MBNL2: variants seen among roughly 807,000 people sequenced by gnomAD.
The protein encoded by MBNL2 is muscleblind like splicing regulator 2, also known as muscleblind-like protein 2.
A neutral mutation model predicts 41.9 loss-of-function variants in MBNL2; 17 were observed. The ratio of observed to expected loss-of-function variants is 0.41; its 90% confidence interval spans 0.28 to 0.61. The LOEUF (loss-of-function observed/expected upper bound fraction) is 0.61. Ranked by LOEUF, MBNL2 falls within the 20% of genes least tolerant of loss-of-function variation. The pLI is 0.35. For synonymous variants in MBNL2, 195 were observed against 182.9 expected, an observed-to-expected ratio of 1.07 and a Z score of -0.53; for missense variants, 336 against 505.6, an observed-to-expected ratio of 0.66 and a Z score of 3.22.
chr13:97,251,605 G>C (rs1030720490), intron 1 of MBNL2, among the ~76,000 whole-genome samples: 1 of 152,044 alleles, frequency 6.6e-6, no homozygotes, highest in African/African-American at 2.4e-5. Flanking sequence ...TCTTTGCATT[G>C]TTTTGTATTG....
At chr13:97,262,542 C>T (rs188746520) in intron 1 of MBNL2, among the ~76,000 whole-genome samples, 109 of 152,300 alleles carry the variant, frequency 7.2e-4, no homozygotes, top group African/African-American at 2.4e-3. Context: ...CCAAGCCTTC[C>T]TGTTTTCTGT....
chr13:97,269,697 A>G (rs1459803441), intron 1 of MBNL2, among the ~76,000 whole-genome samples: 2 of 152,160 alleles, frequency 1.3e-5, no homozygotes, highest in African/African-American at 2.4e-5. Context: ...ACACTTGGAA[A>G]AACCTCTCTG....
the MBNL2 span, among the ~76,000 whole-genome samples, chr13:97,179,126 A>G: frequency 5.6e-3 from 846 of 152,254 alleles, 5 homozygotes; most frequent in African/African-American, 0.02. Flanking sequence ...CTCCCATTTC[A>G]AAACAAGCAA....
chr13:97,161,991 C>T, the MBNL2 span, among the ~76,000 whole-genome samples: 39 of 152,150 alleles, frequency 2.6e-4, no homozygotes, highest in African/African-American at 9.4e-4. Context: ...TTAATTGGCT[C>T]GTGGTTCCAC....
the MBNL2 span, among the ~76,000 whole-genome samples, chr13:97,145,775 C>A: frequency 6.6e-6 from 1 of 152,098 alleles, no homozygotes; most frequent in Admixed American, 6.5e-5. Flanking sequence ...GTTCTGAGTT[C>A]TTGAGCCCTT....
At chr13:97,215,919 T>C in the MBNL2 span, among the ~76,000 whole-genome samples, 1 of 152,210 alleles carries the variant, frequency 6.6e-6, no homozygotes, top group Non-Finnish European at 1.5e-5. Context: ...ATGATAATAG[T>C]AGCAGTAAAA....
At chr13:97,237,378 A>C (rs1374634869) in intron 1 of MBNL2, among the ~76,000 whole-genome samples, 1 of 152,276 alleles carries the variant, frequency 6.6e-6, no homozygotes, top group Non-Finnish European at 1.5e-5. Context: ...AAAAGTTTGC[A>C]GGAAAAAGAA....
chr13:97,296,810 G>A (rs2057077265), intron 2 of MBNL2, among the ~76,000 whole-genome samples: 1 of 152,170 alleles, frequency 6.6e-6, no homozygotes, highest in African/African-American at 2.4e-5. Context: ...CATTAAGTCT[G>A]ACTTCATGGA....
chr13:97,234,245 G>A (rs1014391157), intron 1 of MBNL2, among the ~76,000 whole-genome samples: 57 of 152,292 alleles, frequency 3.7e-4, no homozygotes, highest in African/African-American at 1.3e-3. Flanking sequence ...GTAACCCTAA[G>A]CAAATCAAGT....
At chr13:97,365,969 GA>G (rs140598871) in intron 8 of MBNL2, among the ~76,000 whole-genome samples, 2,420 of 149,248 alleles carry the variant, frequency 0.016, 60 homozygotes, top group African/African-American at 0.048. Context: ...GTCCTAAATT[GA>G]AAAAAAAAAT....
intron 1 of MBNL2, among the ~76,000 whole-genome samples, chr13:97,261,292 TCACACACATG>T (rs2048577119): frequency 6.6e-6 from 1 of 152,006 alleles, no homozygotes; most frequent in South Asian, 2.1e-4. Context: ...ATGTTCACAC[TCACACACATG>T]CACACACATC....
chr13:97,166,785 TAGATA>T, the MBNL2 span, among the ~76,000 whole-genome samples: 1 of 18,212 alleles, frequency 5.5e-5, no homozygotes, highest in Non-Finnish European at 1.3e-4. Flanking sequence ...CTTCCCTTGA[TAGATA>T]GATAGATAGA....
chr13:97,276,031 A>G lies in MBNL2; in HGVS notation c.-205A>G. The stretch of plus-strand genomic sequence containing the variant: ...GCTTTTATTGCGGCCTACCATCTTT[A>G]AGTGGGACATATTGATTGATGAGTG... On this transcript the variant is annotated 5_prime_UTR_variant, in exon 2 of 9. Coordinates refer to ENST00000679496, the MANE Select transcript of MBNL2 (RefSeq NM_001382683.1). 1 of 483,124 alleles carries G rather than the reference A, an allele frequency of 2.1e-6. No homozygotes were observed. Among genetic ancestry groups the G allele is most frequent in the Admixed American group, 3.7e-5 (1 of 27,304 alleles). 29.9% of individuals were successfully genotyped at this position (483,124 alleles called of 1,614,324 possible).
the MBNL2 span, among the ~76,000 whole-genome samples, chr13:97,150,469 A>T: frequency 6.6e-6 from 1 of 152,200 alleles, no homozygotes; most frequent in East Asian, 1.9e-4. Flanking sequence ...ACAAAAAATA[A>T]CATGTATTTT....
the MBNL2 span, among the ~76,000 whole-genome samples, chr13:97,161,198 A>G: frequency 6.6e-6 from 1 of 152,170 alleles, no homozygotes; most frequent in Non-Finnish European, 1.5e-5. Flanking sequence ...ATGGTTCCCA[A>G]TGGCATTTAG....
intron 1 of MBNL2, among the ~76,000 whole-genome samples, chr13:97,252,167 A>G (rs2046697478): frequency 6.6e-6 from 1 of 152,026 alleles, no homozygotes; most frequent in Non-Finnish European, 1.5e-5. Flanking sequence ...CAATTCTTAT[A>G]TATACTGGGA....
intron 7 of MBNL2, among the ~76,000 whole-genome samples, chr13:97,358,908 A>C (rs898448797): frequency 2.6e-5 from 4 of 152,200 alleles, no homozygotes; most frequent in Non-Finnish European, 1.5e-5. Context: ...TCTTTGTATA[A>C]AATCTACACT....
At position 97,349,875 on chromosome 13, in the gene MBNL2, C is replaced by T. The variant is rs566904266; in HGVS notation, c.804+2808C>T. Among the ~76,000 whole-genome samples the T allele has an allele frequency of 2.0e-5, 3 of 152,292 alleles. No individual in the cohort carries two copies. The East Asian group carries it at 5.8e-4, about 29-fold the overall frequency. On this transcript the variant is annotated intron_variant, in intron 5 of 8. Transcript: ENST00000679496. Reference sequence around the variant, plus strand: ...GGACCTCTATAGGGATGTATTCTTACATCTTTTGACAAGAGAGAGAATGGT... The same window carrying T: ...GGACCTCTATAGGGATGTATTCTTATATCTTTTGACAAGAGAGAGAATGGT...
chr13:97,260,755 G>A (rs896907909), intron 1 of MBNL2, among the ~76,000 whole-genome samples: 4 of 152,272 alleles, frequency 2.6e-5, no homozygotes, highest in South Asian at 2.1e-4. Flanking sequence ...CAAGAGAGTG[G>A]TTAAACAGAG....
Sources: gnomAD v4.1 joint callset for allele counts (sites outside exome capture counted in the v4.1 genomes callset) on GRCh38, gnomAD v4.1.1 for gene constraint, MANE v1.5 for transcripts, NCBI Gene and HGNC (gene_info 2026-07-23, HGNC 2026-07-21) for gene names.